Variants in CIITA observed in about 807,000 individuals in gnomAD.
CIITA encodes the protein MHC class II transactivator.
CIITA carries 72 observed loss-of-function variants against 115.1 expected under a neutral mutation model. That is an observed-to-expected ratio of 0.63 (90% confidence interval 0.52 to 0.76). The LOEUF (loss-of-function observed/expected upper bound fraction) is 0.76, where lower values mean the gene tolerates loss of function less well. CIITA is among the 30% of genes least tolerant of loss of function. The pLI, the probability that CIITA is intolerant of heterozygous loss-of-function variation, is 0.00. For synonymous variants in CIITA, 763 were observed against 635.6 expected, an observed-to-expected ratio of 1.20 and a Z score of -3.02; for missense variants, 1,617 against 1,463.8, an observed-to-expected ratio of 1.10 and a Z score of -1.71.
At chr16:10,917,217 C>T (rs190263982) in intron 15 of CIITA, among the ~76,000 whole-genome samples, 204 of 152,214 alleles carry the variant, frequency 1.3e-3, no homozygotes, top group Non-Finnish European at 2.0e-3. Flanking sequence ...GCTCTGTCAC[C>T]CAGGGTGGAG....
In CIITA at chr16:10,931,621, A is replaced by G. The variant is rs574533506; in HGVS notation, c.*7766A>G. ...CACTTTGGGAGGCTAAGGTGGGTGG[A>G]TCAGTTGAGATCAGGAGTTTGAGAC... On this transcript the variant is annotated 3_prime_UTR_variant, in exon 20 of 20. Transcript: ENST00000324288. 6.6e-6 allele frequency: 1 copy of G among 152,338 alleles called. No individual in the cohort carries two copies. The highest frequency in any genetic ancestry group is 1.9e-4 in the East Asian group (1 of 5,182). The allele number at this position is 152,338 out of a possible 1,614,324, so 9.4% of individuals were successfully genotyped here. A position where few individuals can be genotyped will look rare whatever the true frequency, so the allele number is the denominator to read the frequency against.
In CIITA at chr16:10,920,485, G is replaced by T. The variant is rs903202584; in HGVS notation, c.3150-1682G>T. The stretch of plus-strand genomic sequence containing the variant: ...TGGTCTTGAAATCCTGGGCCCAAGC[G>T]ATCCACCCACCTCAGCCTTCCAAAG... On this transcript the variant is annotated intron_variant, in intron 16 of 19. Coordinates refer to ENST00000324288, the MANE Select transcript of CIITA (RefSeq NM_000246.4). This position sits in a 1 kb window ranked among gnomAD's most constrained non-coding sequence, Gnocchi z 4.5. Among the ~76,000 whole-genome samples the T allele has an allele frequency of 5.9e-5, 9 of 152,196 alleles. No homozygotes were observed. Among genetic ancestry groups the T allele is most frequent in the African/African-American group, 2.2e-4 (9 of 41,456 alleles).
chr16:10,887,160 T>C (rs1475045899), intron 1 of CIITA, among the ~76,000 whole-genome samples: 2 of 152,142 alleles, frequency 1.3e-5, no homozygotes, highest in East Asian at 1.9e-4. Flanking sequence ...TCATGGTAGA[T>C]AGGCATTCCT....
rs757943329 is a variant in CIITA at position 10,903,739 on chromosome 16, C to A, written c.781C>A (p.Pro261Thr). The A allele has an allele frequency of 6.2e-7, 1 of 1,614,130 alleles. No individual in the cohort carries two copies. Among genetic ancestry groups the A allele is most frequent in the East Asian group, 2.2e-5 (1 of 44,880 alleles). ...CTCCACCCCCAATGTAGGTGAGGTGCCCCAGGCCAGCCAAGTACCCCCTCC... is the reference window on the plus strand; with the variant it reads ...CTCCACCCCCAATGTAGGTGAGGTGACCCAGGCCAGCCAAGTACCCCCTCC... ...SSIFIYHGEV[P>T]QASQVPPPSG... Residue 261 changes from proline to threonine, a missense_variant, in exon 9 of 20, where the codon CCC becomes ACC. Pro to Thr is a conservative substitution (Grantham distance 38). Coordinates refer to ENST00000324288, the MANE Select transcript of CIITA (RefSeq NM_000246.4).
rs374588025 is a variant in CIITA, at chr16:10,925,974, C to T, written c.*2119C>T. ...GAGTCCGAAAGGGACTTGGAAGCTC[C>T]GCTTTCTACCCAGCGAGCTGCCGGC... On this transcript the variant is annotated 3_prime_UTR_variant, in exon 20 of 20. Coordinates refer to ENST00000324288, the MANE Select transcript of CIITA (RefSeq NM_000246.4). 7.9e-5 allele frequency: 12 copies of T among 152,352 alleles called. No homozygotes were observed. Among genetic ancestry groups the T allele is most frequent in the African/African-American group, 2.6e-4 (11 of 41,578 alleles). The allele number at this position is 152,352 out of a possible 1,614,324, so 9.4% of individuals were successfully genotyped here.
In CIITA at chr16:10,929,679, C is replaced by T. The variant is rs1329145806; in HGVS notation, c.*5824C>T. 2 of 457,422 alleles carry T rather than the reference C, an allele frequency of 4.4e-6. No individual in the cohort carries two copies. Among genetic ancestry groups the T allele is most frequent in the Non-Finnish European group, 5.8e-6 (2 of 347,588 alleles). 28.3% of individuals were successfully genotyped at this position (457,422 alleles called of 1,614,324 possible). A position where few individuals can be genotyped will look rare whatever the true frequency, so the allele number is the denominator to read the frequency against. On this transcript the variant is annotated 3_prime_UTR_variant, in exon 20 of 20. Coordinates refer to ENST00000324288, the MANE Select transcript of CIITA (RefSeq NM_000246.4). The surrounding 1 kb of genome is among the most constrained non-coding windows in gnomAD (Gnocchi z 4.3). Reference sequence around the variant, plus strand: ...GCTTGGGGTGGGGCAGGGAAGTCTTCCTCCATCCCTCAAATTTAGGGAACC... The same window carrying T: ...GCTTGGGGTGGGGCAGGGAAGTCTTTCTCCATCCCTCAAATTTAGGGAACC...
rs45508200 is a variant in CIITA at position 10,901,378 on chromosome 16, C to T, written c.437-136C>T. 16,355 of 850,282 alleles carry T rather than the reference C, an allele frequency of 0.019. 494 individuals are homozygous for T. Among genetic ancestry groups the T allele is most frequent in the African/African-American group, 0.11 (6,598 of 59,780 alleles). 52.7% of individuals were successfully genotyped at this position (850,282 alleles called of 1,614,324 possible). ...AGGAGCTGGGGTTGGAATGTTAGAGCGAGGGGAGGAAAATGGACCCCCAAG... is the reference window on the plus strand; with the variant it reads ...AGGAGCTGGGGTTGGAATGTTAGAGTGAGGGGAGGAAAATGGACCCCCAAG... On this transcript the variant is annotated intron_variant, in intron 5 of 19. Transcript: ENST00000324288. This position sits in a 1 kb window ranked among gnomAD's most constrained non-coding sequence, Gnocchi z 6.8.
chr16:10,902,236 T>C (rs2038829083), intron 7 of CIITA, 52 bp downstream of exon 7: 2 of 1,610,294 alleles, frequency 1.2e-6, no homozygotes, highest in Non-Finnish European at 1.7e-6. Flanking sequence ...GGGAGGTGGA[T>C]AAGGAGTTGA....
In CIITA at chr16:10,929,669, G is replaced by GGGGAT. The variant is rs1237813267; in HGVS notation, c.*5816_*5817insGATGG. ...GGCTCGGGAGGCTTGGGGTGGGGCA[G>GGGGAT]GGAAGTCTTCCTCCATCCCTCAAAT... On this transcript the variant is annotated 3_prime_UTR_variant, in exon 20 of 20. Coordinates refer to ENST00000324288, the MANE Select transcript of CIITA (RefSeq NM_000246.4). The surrounding 1 kb of genome is among the most constrained non-coding windows in gnomAD (Gnocchi z 4.3). 1.7e-6 allele frequency: 1 copy of GGGGAT among 602,468 alleles called. No individual in the cohort carries two copies. The highest frequency in any genetic ancestry group is 2.1e-6 in the Non-Finnish European group (1 of 480,240). 37.3% of individuals were successfully genotyped at this position (602,468 alleles called of 1,614,324 possible).
chr16:10,941,518 C>T lies in CIITA; in HGVS notation n.644C>T, dbSNP rs968516570. 5.0e-6 allele frequency: 7 copies of T among 1,394,946 alleles called. No individual in the cohort carries two copies. In the Admixed American group the frequency reaches 1.9e-4, roughly 37 times the overall value. 86.4% of individuals were successfully genotyped at this position (1,394,946 alleles called of 1,614,324 possible). Reference sequence around the variant, plus strand: ...ATCCGGCCTGGGAATTCCTCCCTCTCCCTTGCTAGCGCCCCAACCCGCCCT... The same window carrying T: ...ATCCGGCCTGGGAATTCCTCCCTCTTCCTTGCTAGCGCCCCAACCCGCCCT... On this transcript the variant is annotated non_coding_transcript_exon_variant, in exon 2 of 2. Transcript: ENST00000573379. The surrounding 1 kb of genome is among the most constrained non-coding windows in gnomAD (Gnocchi z 6.4).
At position 10,930,556 on chromosome 16, in the gene CIITA, A is replaced by C. The variant is rs985541538; in HGVS notation, c.*6701A>C. On this transcript the variant is annotated 3_prime_UTR_variant, in exon 20 of 20. Transcript: ENST00000324288. ...GGTTCTTATCATTTAATAGGATAAGAAATTGAGGTTCAGAGAAGCCAAGTA... is the reference window on the plus strand; with the variant it reads ...GGTTCTTATCATTTAATAGGATAAGCAATTGAGGTTCAGAGAAGCCAAGTA... The C allele has an allele frequency of 9.9e-5, 15 of 152,238 alleles. No individual in the cohort carries two copies. The highest frequency in any genetic ancestry group is 2.2e-4 in the Non-Finnish European group (15 of 68,046). The allele number at this position is 152,238 out of a possible 1,614,324, so 9.4% of individuals were successfully genotyped here.
chr16:10,936,211 G>T lies in CIITA; in HGVS notation c.*12356G>T, dbSNP rs1315302974. 1 of 151,974 alleles carries T rather than the reference G, an allele frequency of 6.6e-6. No homozygotes were observed. The allele number at this position is 151,974 out of a possible 1,614,324, so 9.4% of individuals were successfully genotyped here. ...GGGTCTCACTATGTTGCCCAGGCTG[G>T]TTTCAAACTCAAGTGATCCTTCCAC... On this transcript the variant is annotated 3_prime_UTR_variant, in exon 20 of 20. Transcript: ENST00000324288.
In CIITA at chr16:10,907,038, G is replaced by A. The variant is rs1449489996; in HGVS notation, c.1546G>A (p.Gly516Arg). The A allele has an allele frequency of 1.2e-6, 2 of 1,607,614 alleles. No individual in the cohort carries two copies. Among genetic ancestry groups the A allele is most frequent in the Non-Finnish European group, 1.7e-6 (2 of 1,179,910 alleles). Residue 516 changes from glycine to arginine, a missense_variant, in exon 11 of 20, where the codon GGA becomes AGA. By Grantham distance (125) the Gly-to-Arg change is moderately radical. Transcript: ENST00000324288. This position sits in a 1 kb window ranked among gnomAD's most constrained non-coding sequence, Gnocchi z 5.0. ...AQDGFLHSTC[G>R]PAPAEPCSLR... ...AGATGGCTTCCTGCACAGCACGTGCGGACCGGCACCGGCGGAGCCCTGCTC... is the reference window on the plus strand; with the variant it reads ...AGATGGCTTCCTGCACAGCACGTGCAGACCGGCACCGGCGGAGCCCTGCTC...
chr16:10,869,907 T>G (rs1328064912), intron 1 of CIITA, among the ~76,000 whole-genome samples: 1 of 152,084 alleles, frequency 6.6e-6, no homozygotes, highest in Non-Finnish European at 1.5e-5. Flanking sequence ...TGGATCTATG[T>G]TTTGATCACA....
chr16:10,894,626 T>C (rs1370305766), intron 1 of CIITA, among the ~76,000 whole-genome samples: 3 of 152,380 alleles, frequency 2.0e-5, no homozygotes, highest in South Asian at 2.1e-4. Flanking sequence ...GTATTTAATA[T>C]GCCCTTCAAC....
chr16:10,909,042 G>T lies in CIITA; in HGVS notation c.2671G>T (p.Asp891Tyr). Residue 891 changes from aspartate (D) to tyrosine (Y), a missense_variant, in exon 12 of 20, where the codon GAC (aspartate) becomes TAC (tyrosine). Physicochemically the swap from Asp to Tyr is radical, Grantham distance 160. Coordinates refer to ENST00000324288, the MANE Select transcript of CIITA (RefSeq NM_000246.4). ...CTCCCTCCACAGGGCTGCCTTGAGCGACACGGTGGCGCTGTGGGAGTCCCT... is the reference window on the plus strand; with the variant it reads ...CTCCCTCCACAGGGCTGCCTTGAGCTACACGGTGGCGCTGTGGGAGTCCCT... The part of the protein sequence containing the change: ...CVTRFRAALS[D>Y]TVALWESLQQ... 1.2e-6 allele frequency: 2 copies of T among 1,614,188 alleles called. No homozygotes were observed. Among genetic ancestry groups the T allele is most frequent in the Non-Finnish European group, 1.7e-6 (2 of 1,180,018 alleles).
chr16:10,906,915 C>T lies in CIITA; in HGVS notation c.1423C>T (p.Gln475Ter). 2.5e-6 allele frequency: 4 copies of T among 1,613,542 alleles called. No individual in the cohort carries two copies. Among genetic ancestry groups the T allele is most frequent in the Non-Finnish European group, 3.4e-6 (4 of 1,180,034 alleles). The change falls in exon 11 of 20, where the codon CAG becomes TAG. Residue 475 changes from glutamine (Q) to a stop codon, truncating the protein, a stop_gained. Transcript: ENST00000324288. LOFTEE classifies it high-confidence loss of function. Reference sequence around the variant, plus strand: ...GGATCTGCTCTTCTCCCTGGGCCCACAGCCACTCGTGGCGGCCGATGAGGT... The same window carrying T: ...GGATCTGCTCTTCTCCCTGGGCCCATAGCCACTCGTGGCGGCCGATGAGGT... ...LQDLLFSLGPQPLVAADEVFS... is the reference protein window; with the variant it reads ...LQDLLFSLGP
intron 1 of CIITA, among the ~76,000 whole-genome samples, chr16:10,872,050 A>G (rs1291473347): frequency 6.6e-6 from 1 of 151,900 alleles, no homozygotes; most frequent in Non-Finnish European, 1.5e-5. Flanking sequence ...AACTTTCCTG[A>G]TCTGTGTACC....
upstream of CIITA, among the ~76,000 whole-genome samples, chr16:10,875,286 A>G (rs1013195494): frequency 2.0e-5 from 3 of 152,042 alleles, no homozygotes; most frequent in East Asian, 5.8e-4. Flanking sequence ...CATTCACCAT[A>G]TCCGTTTGTT....
Sources: gnomAD v4.1 joint callset for allele counts (sites outside exome capture counted in the v4.1 genomes callset) on GRCh38, gnomAD v4.1.1 for gene constraint, Gnocchi (gnomAD v3.1) non-coding constraint, MANE v1.5 for transcripts, NCBI Gene and HGNC (gene_info 2026-07-23, HGNC 2026-07-21) for gene names.